Variants in MYO1B observed in about 807,000 individuals in gnomAD.
MYO1B encodes the protein unconventional myosin-Ib.
MYO1B carries 72 observed loss-of-function variants against 159.7 expected under a neutral mutation model. That is an observed-to-expected ratio of 0.45 (90% CI 0.37 to 0.55). The LOEUF (loss-of-function observed/expected upper bound fraction) is 0.55, where lower values mean the gene tolerates loss of function less well. Ranked by LOEUF, MYO1B falls within the 20% of genes least tolerant of loss-of-function variation. MYO1B has a pLI of 0.00. For synonymous variants in MYO1B, 468 were observed against 473.8 expected (o/e 0.99, Z 0.16); for missense variants, 1,062 against 1,364.8 (o/e 0.78, Z 3.50).
chr2:191,355,739 A>G (rs1693233731), intron 7 of MYO1B, among the ~76,000 whole-genome samples: 2 of 152,186 alleles, frequency 1.3e-5, no homozygotes, highest in South Asian at 4.1e-4. Flanking sequence ...CTGCTCAGCA[A>G]AGTATTTTTT....
chr2:191,309,972 G>GGAGT (rs1199916369), intron 3 of MYO1B, among the ~76,000 whole-genome samples: 1 of 152,220 alleles, frequency 6.6e-6, no homozygotes, highest in East Asian at 1.9e-4. Flanking sequence ...AAATATTGGT[G>GGAGT]GAGTGAGTGA....
At chr2:191,422,505 A>C (rs914193471) in intron 30 of MYO1B, among the ~76,000 whole-genome samples, 4 of 152,194 alleles carry the variant, frequency 2.6e-5, no homozygotes, top group African/African-American at 9.7e-5. Flanking sequence ...TGGATTTTTT[A>C]ATCCATGAAT....
intron 15 of MYO1B, among the ~76,000 whole-genome samples, chr2:191,383,642 GGATGTTTT>G (rs1374144681): frequency 6.6e-6 from 1 of 150,834 alleles, no homozygotes; most frequent in Non-Finnish European, 1.5e-5. Context: ...ATAGACAGCT[GGATGTTTT>G]GATACTTAGC....
At chr2:191,386,132 G>T (rs1173172578) in intron 16 of MYO1B, 48 bp downstream of exon 16, 1 of 1,585,012 alleles carries the variant, frequency 6.3e-7, no homozygotes, top group Admixed American at 1.7e-5. Flanking sequence ...AGTTACCCCT[G>T]CAAGGAGGCT....
At position 191,362,326 on chromosome 2, in the gene MYO1B, C is replaced by G. The variant is rs1254355254; in HGVS notation, c.720C>G (p.Ala240=). ...ATAACTACCTGAGTCTGGATTCGGC[C>G]AAAGTGAATGGAGTGGATGATGCAG... ...SRYNYLSLDS[A]KVNGVDDAAN... Residue 240 remains alanine, a synonymous_variant, in exon 9 of 31, where the codon GCC becomes GCG. Transcript: ENST00000392318. The G allele has an allele frequency of 6.2e-7, 1 of 1,613,746 alleles. No individual in the cohort carries two copies. Among genetic ancestry groups the G allele is most frequent in the African/African-American group, 1.3e-5 (1 of 74,894 alleles).
intron 27 of MYO1B, 24 bp from the exon 28 acceptor site, chr2:191,414,024 T>C (rs781485530): frequency 6.4e-7 from 1 of 1,573,420 alleles, no homozygotes; most frequent in Admixed American, 1.9e-5. Context: ...CTATTTCTAA[T>C]GTGCAGGAAT....
intron 3 of MYO1B, among the ~76,000 whole-genome samples, chr2:191,297,937 G>A (rs1458842976): frequency 1.3e-5 from 2 of 152,168 alleles, no homozygotes; most frequent in Admixed American, 6.5e-5. Flanking sequence ...TCTGTTAGCC[G>A]TGTCCATAGT....
chr2:191,393,754 T>C (rs1009165535), intron 20 of MYO1B, among the ~76,000 whole-genome samples: 10 of 152,196 alleles, frequency 6.6e-5, no homozygotes, highest in Non-Finnish European at 1.2e-4. Flanking sequence ...CTATTAACTA[T>C]AGGGAAAGAT....
At chr2:191,354,032 C>A (rs1010798977) in intron 7 of MYO1B, among the ~76,000 whole-genome samples, 1 of 151,992 alleles carries the variant, frequency 6.6e-6, no homozygotes, top group African/African-American at 2.4e-5. Context: ...CCGAGGCAGG[C>A]GGATCACGAG....
intron 24 of MYO1B, among the ~76,000 whole-genome samples, chr2:191,405,040 T>G (rs917228526): frequency 2.0e-5 from 3 of 152,120 alleles, no homozygotes; most frequent in Admixed American, 6.5e-5. Context: ...GTGTAGAACT[T>G]CTTTCAAAAT....
intron 19 of MYO1B, 94 bp downstream of exon 19, chr2:191,392,295 G>T: frequency 5.8e-6 from 5 of 867,804 alleles, no homozygotes; most frequent in Non-Finnish European, 8.8e-6. Context: ...TATATGAGGG[G>T]CCACCATGAA....
At chr2:191,350,815 A>C (rs1440150474) in intron 7 of MYO1B, among the ~76,000 whole-genome samples, 2 of 133,040 alleles carry the variant, frequency 1.5e-5, no homozygotes, top group Non-Finnish European at 3.4e-5. Flanking sequence ...TTAAAAAAAA[A>C]AAACAAAAAA....
intron 7 of MYO1B, among the ~76,000 whole-genome samples, chr2:191,356,435 A>G (rs1004140379): frequency 6.6e-6 from 1 of 151,330 alleles, no homozygotes; most frequent in South Asian, 2.1e-4. Flanking sequence ...ATCTGTAGCA[A>G]TACAACTGAA....
At chr2:191,356,900 T>C (rs1293407421) in intron 7 of MYO1B, among the ~76,000 whole-genome samples, 2 of 152,220 alleles carry the variant, frequency 1.3e-5, no homozygotes, top group African/African-American at 4.8e-5. Flanking sequence ...TTTTTCATAA[T>C]ATTAGTCTTG....
At position 191,387,401 on chromosome 2, in the gene MYO1B, G is replaced by A. The variant is rs1695460109; in HGVS notation, c.1732G>A (p.Val578Met). The change falls in exon 17 of 31, where the codon GTG becomes ATG. Residue 578 changes from valine to methionine, a missense_variant. Transcript: ENST00000392318. ...AGCAGGCTCACAGTTCAAGGCATCC[G>A]TGGCCACTCTGATGAAAAACCTACA... Reference protein sequence around the residue: ...PTAGSQFKASVATLMKNLQTK... With the variant: ...PTAGSQFKASMATLMKNLQTK... 1.9e-6 allele frequency: 3 copies of A among 1,614,144 alleles called. No individual in the cohort carries two copies. The highest frequency in any genetic ancestry group is 1.1e-5 in the South Asian group (1 of 91,082).
intron 4 of MYO1B, among the ~76,000 whole-genome samples, chr2:191,336,749 T>C (rs1270545937): frequency 1.3e-5 from 2 of 152,222 alleles, no homozygotes; most frequent in Non-Finnish European, 2.9e-5. Context: ...GTGCTTGTTT[T>C]GTTGAACACA....
chr2:191,376,277 T>C (rs1254889012), intron 13 of MYO1B, among the ~76,000 whole-genome samples: 1 of 152,224 alleles, frequency 6.6e-6, no homozygotes, highest in Non-Finnish European at 1.5e-5. Flanking sequence ...AATGGTTTTC[T>C]CATATATTTT....
intron 3 of MYO1B, among the ~76,000 whole-genome samples, chr2:191,325,227 G>A (rs2125905380): frequency 6.6e-6 from 1 of 152,240 alleles, no homozygotes; most frequent in East Asian, 1.9e-4. Flanking sequence ...AAATAGTGGA[G>A]ACTTGTATAT....
intron 1 of MYO1B, among the ~76,000 whole-genome samples, chr2:191,247,469 G>A (rs1378602552): frequency 1.3e-5 from 2 of 152,150 alleles, no homozygotes; most frequent in Non-Finnish European, 2.9e-5. Context: ...TGGGGGATGT[G>A]GTCAAATTTT....
Sources: gnomAD v4.1 joint callset for allele counts (sites outside exome capture counted in the v4.1 genomes callset) on GRCh38, gnomAD v4.1.1 for gene constraint, MANE v1.5 for transcripts, NCBI Gene and HGNC (gene_info 2026-07-23, HGNC 2026-07-21) for gene names.